Variants in COPB2 observed in about 807,000 individuals in gnomAD.
The protein encoded by COPB2 is coat protein complex I subunit beta 2, also known as coatomer subunit beta'.
In COPB2, 16 loss-of-function variants were observed where a neutral mutation model predicts 120.8. The observed-to-expected ratio is 0.13, with a 90% CI of 0.09 to 0.20. The LOEUF (loss-of-function observed/expected upper bound fraction) is 0.20. Among genes scored for constraint, COPB2 ranks in the 10% least tolerant of loss-of-function variants. The pLI is 1.00. For missense variants in COPB2, 794 were observed against 1,076.5 expected (o/e 0.74, Z 3.67); for synonymous variants, 332 against 366.3 (o/e 0.91, Z 1.07).
Position 139,357,871 on chromosome 3 carries a change from C to G in COPB2, c.2713G>C (p.Asp905His), listed in dbSNP as rs143708326. Reference sequence around the variant, plus strand: ...AATGGAAAGCATTACAGTCAATCATCCAAAATATCTTCATCCAGATTGATA... The same window carrying G: ...AATGGAAAGCATTACAGTCAATCATGCAAAATATCTTCATCCAGATTGATA... ...TDINLDEDIL[D>H]D The change falls in exon 22 of 22, where the codon GAT (aspartate) becomes CAT (histidine). Residue 905 changes from aspartate to histidine, a missense_variant. Physicochemically the swap from Asp to His is moderately conservative, Grantham distance 81. Transcript: ENST00000333188. The G allele has an allele frequency of 6.4e-7, 1 of 1,560,360 alleles. No individual in the cohort carries two copies. The highest frequency in any genetic ancestry group is 1.4e-5 in the African/African-American group (1 of 74,006).
chr3:139,373,492 T>G, intron 8 of COPB2, 80 bp from the exon 9 acceptor site: 1 of 1,538,672 alleles, frequency 6.5e-7, no homozygotes, highest in Non-Finnish European at 8.9e-7. Flanking sequence ...TTTTTTCACC[T>G]AACAGAGAGC....
chr3:139,386,382 T>C (rs1941922017), intron 1 of COPB2, among the ~76,000 whole-genome samples: 1 of 151,998 alleles, frequency 6.6e-6, no homozygotes, highest in African/African-American at 2.4e-5. Context: ...GCCTCCCGAG[T>C]AGCTGGGGAC....
chr3:139,358,921 A>C, intron 19 of COPB2, 77 bp downstream of exon 19: 1 of 1,571,264 alleles, frequency 6.4e-7, no homozygotes, highest in Non-Finnish European at 8.7e-7. Flanking sequence ...AGAAGACAGC[A>C]GTTCAAAATC....
intron 16 of COPB2, among the ~76,000 whole-genome samples, chr3:139,362,172 A>T (rs1403471362): frequency 6.6e-6 from 1 of 151,684 alleles, no homozygotes; most frequent in Non-Finnish European, 1.5e-5. Context: ...ATATGAAAAC[A>T]ATTTTTCTTA....
At position 139,358,004 on chromosome 3, in the gene COPB2, A is replaced by G; in HGVS notation, c.2626-46T>C. On this transcript the variant is annotated intron_variant, in intron 21 of 21. Coordinates refer to ENST00000333188, the MANE Select transcript of COPB2 (RefSeq NM_004766.3). ...GTAATTAAGTTTTACAGTACTGTTA[A>G]AGGAAAGTTATCCGTGGGTTCATGA... 2.5e-6 allele frequency: 3 copies of G among 1,201,226 alleles called. No individual in the cohort carries two copies. In the South Asian group the frequency reaches 4.1e-5, roughly 17 times the overall value. The allele number at this position is 1,201,226 out of a possible 1,614,324, so 74.4% of individuals were successfully genotyped here.
chr3:139,367,818 C>T (rs1046388279), intron 13 of COPB2, among the ~76,000 whole-genome samples: 4 of 152,186 alleles, frequency 2.6e-5, no homozygotes, highest in Admixed American at 6.5e-5. Context: ...GACATCTGCA[C>T]AATAAATGAT....
At chr3:139,366,171 T>C (rs971405936) in intron 15 of COPB2, among the ~76,000 whole-genome samples, 1 of 152,236 alleles carries the variant, frequency 6.6e-6, no homozygotes, top group African/African-American at 2.4e-5. Context: ...CTTTATGCTT[T>C]GCACATATGT....
intron 9 of COPB2, among the ~76,000 whole-genome samples, chr3:139,372,062 A>C (rs1941633607): frequency 6.6e-6 from 1 of 152,232 alleles, no homozygotes; most frequent in Non-Finnish European, 1.5e-5. Flanking sequence ...ATTACTGCTG[A>C]AATGTTATTG....
Position 139,375,536 on chromosome 3 carries a change from T to G in COPB2, c.583A>C (p.Ser195Arg). 1 of 1,614,084 alleles carries G rather than the reference T, an allele frequency of 6.2e-7. No individual in the cohort carries two copies. The highest frequency in any genetic ancestry group is 8.5e-7 in the Non-Finnish European group (1 of 1,179,964). The change falls in exon 6 of 22, where the codon AGT (serine) becomes CGT (arginine). Residue 195 changes from serine (S) to arginine (R), a missense_variant. Ser to Arg is a moderately radical substitution (Grantham distance 110, BLOSUM62 -1). Transcript: ENST00000333188. ...ATGAGGTATGGCTTGTCCCCACCAC[T>G]GTAGTAATCAATGCAATTCACGCCT... ...EKGVNCIDYY[S>R]GGDKPYLISG...
intron 17 of COPB2, among the ~76,000 whole-genome samples, chr3:139,360,160 C>T (rs1242733640): frequency 3.4e-5 from 5 of 147,448 alleles, no homozygotes; most frequent in African/African-American, 7.5e-5. Flanking sequence ...ATGGGGTGCA[C>T]GTTCAAAGTT....
chr3:139,368,399 T>A, intron 12 of COPB2, 111 bp from the exon 13 acceptor site: 1 of 1,111,882 alleles, frequency 9.0e-7, no homozygotes, highest in Non-Finnish European at 1.3e-6. Flanking sequence ...AGATGATAAG[T>A]ATTCACTTAA....
chr3:139,362,157 A>G (rs1941430595), intron 16 of COPB2, among the ~76,000 whole-genome samples: 1 of 152,166 alleles, frequency 6.6e-6, no homozygotes, highest in South Asian at 2.1e-4. Flanking sequence ...TAGAGCTCAC[A>G]TAAGATATGA....
At chr3:139,359,397 A>T in intron 17 of COPB2, 35 bp from the exon 18 acceptor site, 1 of 1,583,044 alleles carries the variant, frequency 6.3e-7, no homozygotes, top group Non-Finnish European at 8.7e-7. Flanking sequence ...TGTTACCAAG[A>T]ATAAACACTA....
intron 3 of COPB2, 24 bp downstream of exon 3, chr3:139,379,356 T>G (rs761988001): frequency 6.2e-7 from 1 of 1,605,490 alleles, no homozygotes; most frequent in Non-Finnish European, 8.5e-7. Context: ...AAAATGGGAA[T>G]AGAGATTCAT....
intron 1 of COPB2, among the ~76,000 whole-genome samples, chr3:139,387,197 T>C (rs1252942172): frequency 2.0e-5 from 3 of 147,524 alleles, no homozygotes; most frequent in African/African-American, 7.5e-5. Context: ...GGCGACAGAG[T>C]GAGATTCTGT....
intron 1 of COPB2, among the ~76,000 whole-genome samples, chr3:139,383,936 A>G (rs1346613086): frequency 6.6e-6 from 1 of 152,218 alleles, no homozygotes; most frequent in Non-Finnish European, 1.5e-5. Context: ...AATCTGACTT[A>G]ACAGAAGACA....
intron 5 of COPB2, among the ~76,000 whole-genome samples, chr3:139,376,260 CATAA>C (rs1005565835): frequency 1.5e-4 from 23 of 151,980 alleles, no homozygotes; most frequent in African/African-American, 4.8e-4. Context: ...CTCAAAAATA[CATAA>C]ATAAATAAAT....
Position 139,389,543 on chromosome 3 carries a change from C to T in COPB2, c.3+5G>A, listed in dbSNP as rs989922853. On this transcript the variant is annotated splice_donor_5th_base_variant and intron_variant, in intron 1 of 21. Transcript: ENST00000333188. ...CCCGCTCCCTTCTACGGGATCTGGACCTACCATGGCTGCGTCGGTCCAATC... is the reference window on the plus strand; with the variant it reads ...CCCGCTCCCTTCTACGGGATCTGGATCTACCATGGCTGCGTCGGTCCAATC... 1 of 1,576,882 alleles carries T rather than the reference C, an allele frequency of 6.3e-7. No individual in the cohort carries two copies.
At chr3:139,379,610 A>G in intron 2 of COPB2, 144 bp from the exon 3 acceptor site, 1 of 633,168 alleles carries the variant, frequency 1.6e-6, no homozygotes, top group Non-Finnish European at 2.7e-6. Context: ...CTCAACATTC[A>G]AATTTTTAAA....
Sources: allele counts gnomAD v4.1 joint callset (sites outside exome capture counted in the v4.1 genomes callset), GRCh38; gene constraint gnomAD v4.1.1; transcripts MANE v1.5; gene names NCBI Gene and HGNC (gene_info 2026-07-23, HGNC 2026-07-21).